The following GRAMD1B variants were observed in gnomAD, a reference collection of about 807,000 sequenced individuals.
GRAMD1B encodes the protein GRAM domain containing 1B.
Under a neutral mutation model 99.7 loss-of-function variants are expected in GRAMD1B, and 37 were observed. The observed-to-expected ratio is 0.37, with a 90% CI of 0.29 to 0.49. GRAMD1B has a LOEUF of 0.49. GRAMD1B is among the 20% of genes least tolerant of loss of function. The pLI is 0.98. For missense variants in GRAMD1B, 888 were observed against 1,009.2 expected, an observed-to-expected ratio of 0.88 and a Z score of 1.63; for synonymous variants, 427 against 387.6, an observed-to-expected ratio of 1.10 and a Z score of -1.19.
At chr11:123,583,256 T>C (rs1412655052) in intron 3 of GRAMD1B, among the ~76,000 whole-genome samples, 2 of 150,688 alleles carry the variant, frequency 1.3e-5, no homozygotes, top group Non-Finnish European at 3.0e-5. Context: ...TGAATGTGTG[T>C]GCACATGCGC....
intron 1 of GRAMD1B, among the ~76,000 whole-genome samples, chr11:123,449,510 G>C (rs889786494): frequency 2.6e-5 from 4 of 152,090 alleles, no homozygotes; most frequent in African/African-American, 9.7e-5. Context: ...TTGTTTGTCT[G>C]TCTTTAACCT....
intron 1 of GRAMD1B, among the ~76,000 whole-genome samples, chr11:123,450,949 C>A (rs534493080): frequency 6.6e-5 from 10 of 152,208 alleles, no homozygotes; most frequent in Non-Finnish European, 1.5e-4. Context: ...GCCTGGAAAA[C>A]AGGCAGGGAA....
intron 1 of GRAMD1B, among the ~76,000 whole-genome samples, chr11:123,440,292 C>T (rs1184593463): frequency 6.6e-6 from 1 of 152,166 alleles, no homozygotes; most frequent in Non-Finnish European, 1.5e-5. Flanking sequence ...AGGCAGATAA[C>T]CTGAGGTCAG....
intron 1 of GRAMD1B, among the ~76,000 whole-genome samples, chr11:123,421,017 T>C (rs1288358271): frequency 6.6e-6 from 1 of 152,236 alleles, no homozygotes; most frequent in Non-Finnish European, 1.5e-5. Context: ...CTAGGTATCA[T>C]ATATTTGCTT....
intron 2 of GRAMD1B, among the ~76,000 whole-genome samples, chr11:123,572,390 T>A (rs1948201837): frequency 6.6e-6 from 1 of 152,220 alleles, no homozygotes; most frequent in African/African-American, 2.4e-5. Flanking sequence ...AAAGTTGGTT[T>A]GAAACTTTAT....
chr11:123,368,641 C>A (rs1331472590), intron 1 of GRAMD1B, among the ~76,000 whole-genome samples: 1 of 117,698 alleles, frequency 8.5e-6, no homozygotes, highest in Non-Finnish European at 1.6e-5. Context: ...GATCGCATCA[C>A]TGTACTCCAG....
At chr11:123,442,938 G>A (rs2134281829) in intron 1 of GRAMD1B, among the ~76,000 whole-genome samples, 1 of 152,162 alleles carries the variant, frequency 6.6e-6, no homozygotes, top group Admixed American at 6.5e-5. Flanking sequence ...GGCGCTGGTG[G>A]GAGTGTAGCA....
chr11:123,386,915 T>C (rs558871316), intron 1 of GRAMD1B, among the ~76,000 whole-genome samples: 61 of 152,310 alleles, frequency 4.0e-4, no homozygotes, highest in South Asian at 3.5e-3. Flanking sequence ...TGTCCATAAG[T>C]GGAGGAAGAT....
At chr11:123,476,010 G>A (rs1057353474) in intron 1 of GRAMD1B, among the ~76,000 whole-genome samples, 8 of 152,110 alleles carry the variant, frequency 5.3e-5, no homozygotes, top group African/African-American at 1.9e-4. Flanking sequence ...TGTGTGAGAG[G>A]GTGAGGCAGT....
chr11:123,599,226 GA>G (rs1951654951), intron 7 of GRAMD1B: 1 of 758,234 alleles, frequency 1.3e-6, no homozygotes, highest in Non-Finnish European at 2.5e-6. Context: ...CTTGGGTCCT[GA>G]AATGGCACCG....
chr11:123,387,316 C>T (rs1000096030), intron 1 of GRAMD1B, among the ~76,000 whole-genome samples: 6 of 152,114 alleles, frequency 3.9e-5, no homozygotes, highest in African/African-American at 1.2e-4. Context: ...AGTCACGGCT[C>T]GCAGTGGATG....
At chr11:123,614,123 C>T (rs534874419) in intron 16 of GRAMD1B, among the ~76,000 whole-genome samples, 1 of 152,276 alleles carries the variant, frequency 6.6e-6, no homozygotes, top group East Asian at 1.9e-4. Context: ...CTTCCTCTTC[C>T]CACCCAGCCA....
At position 123,598,970 on chromosome 11, in the gene GRAMD1B, G is replaced by C. The variant is rs371472310; in HGVS notation, c.970-1498G>C. Reference sequence around the variant, plus strand: ...ATTGGTCTAAGATGGACAGGTATGTGATATAATCCAGCTTCTCAGATGCCT... The same window carrying C: ...ATTGGTCTAAGATGGACAGGTATGTCATATAATCCAGCTTCTCAGATGCCT... On this transcript the variant is annotated intron_variant, in intron 7 of 19. Transcript: ENST00000635736. 4.4e-5 allele frequency: 46 copies of C among 1,044,092 alleles called. No individual in the cohort carries two copies. In the East Asian group the frequency reaches 5.0e-4, roughly 11 times the overall value. The allele number at this position is 1,044,092 out of a possible 1,614,324, so 64.7% of individuals were successfully genotyped here.
chr11:123,573,235 T>G (rs1948357571), intron 2 of GRAMD1B, among the ~76,000 whole-genome samples: 2 of 152,226 alleles, frequency 1.3e-5, no homozygotes, highest in Admixed American at 1.3e-4. Context: ...GTTGGGGTTT[T>G]CAGAGGTAGG....
At position 123,608,791 on chromosome 11, in the gene GRAMD1B, G is replaced by A. The variant is rs1012745976; in HGVS notation, c.1646G>A (p.Arg549Gln). The A allele has an allele frequency of 5.2e-6, 8 of 1,548,504 alleles. No homozygotes were observed. The highest frequency in any genetic ancestry group is 4.9e-5 in the East Asian group (2 of 40,924). Residue 549 changes from arginine (R) to glutamine (Q), a missense_variant, in exon 12 of 20, where the codon CGG becomes CAG. Transcript: ENST00000635736. ...SPFQRDFMEQ[R>Q]RFSDIIFHPW... ...TTCCAGCGGGATTTCATGGAGCAGC[G>A]GCGCTTCTCTGGTCCGTTCTGCTGG...
At chr11:123,426,620 G>T (rs1338414269), upstream of GRAMD1B, among the ~76,000 whole-genome samples, 1 of 152,160 alleles carries the variant, frequency 6.6e-6, no homozygotes, top group Non-Finnish European at 1.5e-5. Flanking sequence ...TTGTGTAGGG[G>T]AGAGACTCTG....
chr11:123,551,573 C>T lies in GRAMD1B; in HGVS notation c.453-25794C>T, dbSNP rs112538208. Reference sequence around the variant, plus strand: ...ACCATGTCCAAAACTTGGTGGCTTGCGGTGGTGGAAAGAACATAGGACTTT... The same window carrying T: ...ACCATGTCCAAAACTTGGTGGCTTGTGGTGGTGGAAAGAACATAGGACTTT... On this transcript the variant is annotated intron_variant, in intron 2 of 19. Transcript: ENST00000635736. Among the ~76,000 whole-genome samples, 774 of 152,220 alleles carry T rather than the reference C, an allele frequency of 5.1e-3. 9 individuals carry two copies. The highest frequency in any genetic ancestry group is 0.016 in the African/African-American group (667 of 41,524).
chr11:123,533,572 G>A (rs1476555998), intron 2 of GRAMD1B, among the ~76,000 whole-genome samples: 1 of 151,940 alleles, frequency 6.6e-6, no homozygotes, highest in Non-Finnish European at 1.5e-5. Context: ...GATTACAGGC[G>A]CCAGCTACCA....
In GRAMD1B at chr11:123,622,553, C is replaced by G. The variant is rs1955259490; in HGVS notation, c.2592C>G (p.Asp864Glu). Reference sequence around the variant, plus strand: ...TTCAGAACGGCATCAGGTCCCGCGACTACACGTCGGAAAGTGAAGAAAAGA... The same window carrying G: ...TTCAGAACGGCATCAGGTCCCGCGAGTACACGTCGGAAAGTGAAGAAAAGA... Reference protein sequence around the residue: ...INLQNGIRSRDYTSESEEKRN... With the variant: ...INLQNGIRSREYTSESEEKRN... Residue 864 changes from aspartate (D) to glutamate (E), a missense_variant, in exon 20 of 20, where the codon GAC becomes GAG. This residue lies in a region of GRAMD1B where 232 missense variants were observed against 261.7 expected (regional missense o/e 0.89). Transcript: ENST00000635736. 3 of 1,558,752 alleles carry G rather than the reference C, an allele frequency of 1.9e-6. No homozygotes were observed. Among genetic ancestry groups the G allele is most frequent in the Non-Finnish European group, 2.6e-6 (3 of 1,151,252 alleles).
Sources: gnomAD v4.1 joint callset for allele counts (sites outside exome capture counted in the v4.1 genomes callset) on GRCh38, gnomAD v4.1.1 for gene constraint, gnomAD v4.1.1 regional missense constraint, MANE v1.5 for transcripts, NCBI Gene and HGNC (gene_info 2026-07-23, HGNC 2026-07-21) for gene names.